Variants in TBC1D1 observed in about 807,000 individuals in gnomAD.
TBC1D1 encodes the protein TBC1 (tre-2/USP6, BUB2, cdc16) domain family, member 1.
TBC1D1 carries 89 observed loss-of-function variants against 125.6 expected under a neutral mutation model. The observed-to-expected ratio is 0.71, with a 90% CI of 0.60 to 0.85. The LOEUF (loss-of-function observed/expected upper bound fraction) is 0.85. Among genes scored for constraint, TBC1D1 ranks in the 40% least tolerant of loss-of-function variants. TBC1D1 has a pLI of 0.00. For missense variants in TBC1D1, 1,377 were observed against 1,469.2 expected, an observed-to-expected ratio of 0.94 and a Z score of 1.03; for synonymous variants, 565 against 564.1, an observed-to-expected ratio of 1.00 and a Z score of -0.02.
chr4:38,033,656 G>A (rs60958823), intron 7 of TBC1D1, among the ~76,000 whole-genome samples: 15,523 of 151,986 alleles, frequency 0.1, 981 homozygotes, highest in Non-Finnish European at 0.14. Flanking sequence ...CCATCATTAC[G>A]GTATCATACA....
chr4:38,132,948 A>C, intron 18 of TBC1D1, 136 bp from the exon 21 acceptor site: 2 of 531,766 alleles, frequency 3.8e-6, no homozygotes, highest in Non-Finnish European at 6.3e-6. Context: ...CTTATTTATT[A>C]CTTCTAGTAC....
chr4:38,114,773 C>CTT (rs796857147), intron 15 of TBC1D1, among the ~76,000 whole-genome samples: 1 of 145,884 alleles, frequency 6.9e-6, no homozygotes, highest in Non-Finnish European at 1.5e-5. Flanking sequence ...ATGTTGAGAG[C>CTT]TTTTTTTTTT....
intron 7 of TBC1D1, among the ~76,000 whole-genome samples, chr4:38,030,826 T>G (rs1333046284): frequency 6.6e-6 from 1 of 152,218 alleles, no homozygotes; most frequent in Non-Finnish European, 1.5e-5. Context: ...GGTACGTGAT[T>G]ACTTAGTTAT....
chr4:37,993,736 C>T (rs1003700364), intron 2 of TBC1D1, among the ~76,000 whole-genome samples: 7 of 152,324 alleles, frequency 4.6e-5, no homozygotes, highest in African/African-American at 9.6e-5. Context: ...CGCCCGCCAC[C>T]GTACCCAGCT....
chr4:38,124,534 C>T (rs1184242654), intron 17 of TBC1D1, among the ~76,000 whole-genome samples: 6 of 152,164 alleles, frequency 3.9e-5, no homozygotes, highest in African/African-American at 1.4e-4. Flanking sequence ...GAATTCTATT[C>T]CTTGTTTCAA....
intron 5 of TBC1D1, 56 bp from the exon 6 acceptor site, chr4:38,021,530 C>G: frequency 7.0e-7 from 1 of 1,428,032 alleles, no homozygotes; most frequent in Non-Finnish European, 9.2e-7. Flanking sequence ...ACATCTCAGC[C>G]CAGCTAATTT....
intron 15 of TBC1D1, among the ~76,000 whole-genome samples, chr4:38,115,098 CTTTTTTTT>C (rs56997021): frequency 1.3e-4 from 18 of 134,664 alleles, no homozygotes; most frequent in South Asian, 2.3e-4. Context: ...TTTCTTTTTT[CTTTTTTTT>C]TTTTTTTTTT....
At chr4:38,094,807 C>G (rs938378476) in intron 13 of TBC1D1, among the ~76,000 whole-genome samples, 10 of 150,980 alleles carry the variant, frequency 6.6e-5, no homozygotes. Context: ...AAGGCTAGCC[C>G]CAAACCTGAT....
At position 38,089,158 on chromosome 4, in the gene TBC1D1, A is replaced by G. The variant is rs567966131; in HGVS notation, c.2051-774A>G. ...GAATCAGGAAGACATGAGTTAGAGT[A>G]TGCCGGTGTACCTCCTTACTCACTG... On this transcript the variant is annotated intron_variant, in intron 12 of 19. Coordinates refer to ENST00000261439, the MANE Select transcript of TBC1D1 (RefSeq NM_015173.4). 2.4e-4 allele frequency among the ~76,000 whole-genome samples: 37 copies of G among 152,348 alleles called. 1 individual carries two copies. The East Asian group carries it at 7.1e-3, about 29-fold the overall frequency.
intron 2 of TBC1D1, among the ~76,000 whole-genome samples, chr4:37,988,738 C>T (rs1044672829): frequency 6.6e-6 from 1 of 152,082 alleles, no homozygotes; most frequent in African/African-American, 2.4e-5. Context: ...AAATGGAAAC[C>T]AAAAACAAAA....
chr4:37,961,471 A>C (rs1730042930), intron 2 of TBC1D1, among the ~76,000 whole-genome samples: 1 of 152,248 alleles, frequency 6.6e-6, no homozygotes. Flanking sequence ...AAATGTCTAT[A>C]TGGCTAAATA....
At chr4:38,045,955 T>A in intron 10 of TBC1D1, 52 bp downstream of exon 10, 1 of 1,492,080 alleles carries the variant, frequency 6.7e-7, no homozygotes, top group Non-Finnish European at 9.3e-7. Flanking sequence ...CAAATAGGTC[T>A]TGCTCATCTC....
chr4:38,053,781 G>A (rs1460782957), intron 11 of TBC1D1, among the ~76,000 whole-genome samples: 1 of 152,022 alleles, frequency 6.6e-6, no homozygotes, highest in Admixed American at 6.5e-5. Context: ...TTCATTTTTT[G>A]TGGGAATCCT....
intron 6 of TBC1D1, among the ~76,000 whole-genome samples, chr4:38,021,998 C>T (rs1010113951): frequency 6.6e-6 from 1 of 152,166 alleles, no homozygotes; most frequent in East Asian, 1.9e-4. Flanking sequence ...GTTACCAAAC[C>T]GGTTGCCTAG....
chr4:38,126,818 A>G (rs959393990), intron 18 of TBC1D1, among the ~76,000 whole-genome samples: 4 of 152,110 alleles, frequency 2.6e-5, no homozygotes, highest in African/African-American at 7.2e-5. Context: ...GTGGAAAGGT[A>G]GGGGTTCAAA....
chr4:38,006,543 A>G (rs970994908), intron 2 of TBC1D1, among the ~76,000 whole-genome samples: 1 of 149,060 alleles, frequency 6.7e-6, no homozygotes, highest in East Asian at 2.0e-4. Context: ...CAGTGGCACA[A>G]TCTCGTCTCA....
intron 2 of TBC1D1, among the ~76,000 whole-genome samples, chr4:37,980,744 G>C (rs992520081): frequency 8.5e-5 from 13 of 152,138 alleles, no homozygotes; most frequent in African/African-American, 3.1e-4. Flanking sequence ...GTACTTAACT[G>C]TGTATTTAAT....
chr4:37,960,371 C>G, intron 2 of TBC1D1: 1 of 1,388,152 alleles, frequency 7.2e-7, no homozygotes, highest in South Asian at 1.4e-5. Flanking sequence ...AACATTCTAT[C>G]TAAATATAAA....
chr4:37,959,927 G>A (rs17497241), intron 2 of TBC1D1, among the ~76,000 whole-genome samples: 12,786 of 152,210 alleles, frequency 0.084, 690 homozygotes, highest in Non-Finnish European at 0.13. Context: ...GGGATAACTC[G>A]GGATGAAACA....
Sources: allele counts gnomAD v4.1 joint callset (sites outside exome capture counted in the v4.1 genomes callset), GRCh38; gene constraint gnomAD v4.1.1; transcripts MANE v1.5; gene names NCBI Gene and HGNC (gene_info 2026-07-23, HGNC 2026-07-21).